SRL: variants seen among roughly 807,000 people sequenced by gnomAD.
SRL encodes sarcalumenin.
In SRL, 23 loss-of-function variants were observed where a neutral mutation model predicts 39.5. That is an observed-to-expected ratio of 0.58 (90% CI 0.42 to 0.82). SRL has a LOEUF of 0.82. SRL is among the 40% of genes least tolerant of loss of function. The pLI is 0.00. For synonymous variants in SRL, 272 were observed against 237.4 expected, an observed-to-expected ratio of 1.15 and a Z score of -1.34; for missense variants, 592 against 607.8, an observed-to-expected ratio of 0.97 and a Z score of 0.27.
At chr16:4,216,600 C>T (rs2052463222) in intron 1 of SRL, among the ~76,000 whole-genome samples, 1 of 152,182 alleles carries the variant, frequency 6.6e-6, no homozygotes, top group South Asian at 2.1e-4. Flanking sequence ...ACAAATACCT[C>T]AGAAAGAGCA....
intron 1 of SRL, among the ~76,000 whole-genome samples, chr16:4,214,808 C>T (rs2052436627): frequency 6.6e-6 from 1 of 151,758 alleles, no homozygotes; most frequent in Admixed American, 6.6e-5. Context: ...CATTCTGTCG[C>T]CCAGGGTGGA....
intron 1 of SRL, among the ~76,000 whole-genome samples, chr16:4,238,615 C>T (rs9928485): frequency 9.3e-5 from 14 of 151,222 alleles, no homozygotes; most frequent in African/African-American, 2.2e-4. Context: ...CCACCATGCC[C>T]GGTGCCACTT....
chr16:4,204,521 TC>T lies in SRL; in HGVS notation c.163+11del. The T allele has an allele frequency of 1.3e-6, 2 of 1,537,816 alleles. No individual in the cohort carries two copies. The highest frequency in any genetic ancestry group is 1.7e-6 in the Non-Finnish European group (2 of 1,143,272). On this transcript the variant is annotated intron_variant, in intron 2 of 5. Coordinates refer to ENST00000399609, the MANE Select transcript of SRL (RefSeq NM_001098814.2). ...TCTCCCAGCCCTGGGCATATCTCCCTCCCCTGGTTACCAGAGTAGTCATCGG... is the reference window on the plus strand; with the variant it reads ...TCTCCCAGCCCTGGGCATATCTCCCTCCCTGGTTACCAGAGTAGTCATCGG...
chr16:4,216,660 C>T (rs1340590995), intron 1 of SRL, among the ~76,000 whole-genome samples: 1 of 152,320 alleles, frequency 6.6e-6, no homozygotes, highest in African/African-American at 2.4e-5. Flanking sequence ...AGCAGGGATA[C>T]TCTATAGAGC....
At chr16:4,197,679 G>C in intron 4 of SRL, 120 bp downstream of exon 4, 1 of 810,770 alleles carries the variant, frequency 1.2e-6, no homozygotes, top group East Asian at 2.5e-5. Flanking sequence ...CACTGCCTTG[G>C]CCTCCCAATG....
intron 3 of SRL, among the ~76,000 whole-genome samples, chr16:4,201,064 C>T (rs1313980066): frequency 6.6e-6 from 1 of 151,884 alleles, no homozygotes; most frequent in Non-Finnish European, 1.5e-5. Flanking sequence ...AAATTGGTAT[C>T]ATGGGAGACA....
intron 5 of SRL, among the ~76,000 whole-genome samples, chr16:4,194,264 T>C (rs941779209): frequency 6.6e-6 from 1 of 152,218 alleles, no homozygotes; most frequent in African/African-American, 2.4e-5. Context: ...TCTCTGGAAC[T>C]TATTCATCTT....
chr16:4,192,360 G>C lies in SRL; in HGVS notation c.1215C>G (p.Phe405Leu). Residue 405 changes from phenylalanine (F) to leucine (L), a missense_variant, in exon 6 of 6, where the codon TTC becomes TTG. Phe to Leu is a conservative substitution (Grantham distance 22). Transcript: ENST00000399609. The surrounding 1 kb of genome is among the most constrained non-coding windows in gnomAD (Gnocchi z 4.0). ...LPNREAYKDF[F>L]GINPISSFKL... The stretch of plus-strand genomic sequence containing the variant: ...TGAAACTGGAAATGGGATTGATGCC[G>C]AAGAAGTCCTTATAGGCCTCGCGGT... 1 of 1,614,218 alleles carries C rather than the reference G, an allele frequency of 6.2e-7. No homozygotes were observed. Among genetic ancestry groups the C allele is most frequent in the Non-Finnish European group, 8.5e-7 (1 of 1,180,044 alleles).
Position 4,203,208 on chromosome 16 carries a change from G to A in SRL, c.217C>T (p.Gln73Ter). ...IYHSSIKPLE[Q>*]SYKYNELRQH... ...CGGAGCTCATTGTACTTGTAGGACTGCTCCAGAGGCTTGATGGATGAGTGG... is the reference window on the plus strand; with the variant it reads ...CGGAGCTCATTGTACTTGTAGGACTACTCCAGAGGCTTGATGGATGAGTGG... Residue 73 changes from glutamine to a stop codon, truncating the protein, a stop_gained, in exon 3 of 6, where the codon CAG (glutamine) becomes TAG (stop). Transcript: ENST00000399609. LOFTEE classifies it high-confidence loss of function. 6.2e-7 allele frequency: 1 copy of A among 1,614,208 alleles called. No individual in the cohort carries two copies.
chr16:4,232,870 T>C (rs2052674378), intron 1 of SRL, among the ~76,000 whole-genome samples: 2 of 152,124 alleles, frequency 1.3e-5, no homozygotes, highest in African/African-American at 2.4e-5. Flanking sequence ...AATGACTACC[T>C]GAAGGAGGAC....
At position 4,240,899 on chromosome 16, in the gene SRL, C is replaced by A. The variant is rs548885867; in HGVS notation, c.61+1108G>T. 1.8e-4 allele frequency among the ~76,000 whole-genome samples: 28 copies of A among 152,312 alleles called. No individual in the cohort carries two copies. In the South Asian group the frequency reaches 5.8e-3, roughly 32 times the overall value. ...CAGCCCTGCAGAGCCCAAATTAACTCAAGGACAGACAAGGGCAGGGCCCAG... is the reference window on the plus strand; with the variant it reads ...CAGCCCTGCAGAGCCCAAATTAACTAAAGGACAGACAAGGGCAGGGCCCAG... On this transcript the variant is annotated intron_variant, in intron 1 of 5. Coordinates refer to ENST00000399609, the MANE Select transcript of SRL (RefSeq NM_001098814.2).
chr16:4,234,836 C>T (rs147745360), intron 1 of SRL, among the ~76,000 whole-genome samples: 9 of 152,210 alleles, frequency 5.9e-5, no homozygotes, highest in African/African-American at 1.7e-4. Context: ...AGTCCCTCTG[C>T]GCTCAGAACC....
chr16:4,222,164 C>T (rs867405810), intron 1 of SRL, among the ~76,000 whole-genome samples: 3 of 152,160 alleles, frequency 2.0e-5, no homozygotes, highest in African/African-American at 7.2e-5. Flanking sequence ...CTCGCTAATC[C>T]CAGCTCACAT....
intron 1 of SRL, chr16:4,207,670 C>G (rs868695469): frequency 4.7e-6 from 2 of 427,572 alleles, no homozygotes; most frequent in South Asian, 1.7e-5. Flanking sequence ...GCAGTTCCCT[C>G]CGTGGGGAGC....
intron 1 of SRL, chr16:4,207,001 C>G (rs2052328402): frequency 2.2e-6 from 1 of 454,558 alleles, no homozygotes; most frequent in Admixed American, 2.4e-5. Flanking sequence ...TCCTGGGGCT[C>G]CTCGGCTTCC....
At chr16:4,199,908 G>A (rs536702184) in intron 3 of SRL, among the ~76,000 whole-genome samples, 1 of 152,058 alleles carries the variant, frequency 6.6e-6, no homozygotes. Context: ...TGTTGCCCAG[G>A]CTGGTCTCGA....
chr16:4,240,662 C>T (rs962397775), intron 1 of SRL, among the ~76,000 whole-genome samples: 4 of 152,132 alleles, frequency 2.6e-5, no homozygotes, highest in South Asian at 4.1e-4. Flanking sequence ...CCAGTTCCCT[C>T]GGTGGGAGGA....
At chr16:4,233,213 G>A (rs1029042002) in intron 1 of SRL, among the ~76,000 whole-genome samples, 3 of 152,176 alleles carry the variant, frequency 2.0e-5, no homozygotes, top group South Asian at 4.1e-4. Context: ...CCCCGAACAC[G>A]AGCCCCACAC....
chr16:4,196,994 G>A (rs2052155654), intron 4 of SRL, among the ~76,000 whole-genome samples: 1 of 149,152 alleles, frequency 6.7e-6, no homozygotes, highest in Non-Finnish European at 1.5e-5. Context: ...TTTGGCTATT[G>A]TGAATAATGC....
Sources: allele counts gnomAD v4.1 joint callset (sites outside exome capture counted in the v4.1 genomes callset), GRCh38; gene constraint gnomAD v4.1.1; non-coding constraint Gnocchi (gnomAD v3.1); transcripts MANE v1.5; gene names NCBI Gene and HGNC (gene_info 2026-07-23, HGNC 2026-07-21).